HDAC4: variants seen among roughly 807,000 people sequenced by gnomAD.
HDAC4 encodes the protein histone deacetylase A.
In HDAC4, 16 loss-of-function variants were observed where a neutral mutation model predicts 135.1. The observed-to-expected ratio is 0.12, with a 90% CI of 0.08 to 0.18. HDAC4 has a LOEUF of 0.18. HDAC4 is among the 10% of genes least tolerant of loss of function. The probability of loss-of-function intolerance (pLI) is 1.00; values close to 1 mark genes in which losing one functional copy is unlikely to be tolerated. For missense variants in HDAC4, 1,143 were observed against 1,511.8 expected (o/e 0.76, Z 4.05); for synonymous variants, 685 against 653.4 (o/e 1.05, Z -0.74).
intron 4 of HDAC4, among the ~76,000 whole-genome samples, chr2:239,187,816 G>A (rs749666190): frequency 6.6e-6 from 1 of 152,172 alleles, no homozygotes; most frequent in Non-Finnish European, 1.5e-5. Flanking sequence ...AGTGGAGGCT[G>A]GTGGGCCAAT....
chr2:239,335,792 A>G (rs541185063), intron 2 of HDAC4, among the ~76,000 whole-genome samples: 1 of 152,378 alleles, frequency 6.6e-6, no homozygotes, highest in East Asian at 1.9e-4. Context: ...AAAGAATTAC[A>G]GTACCATGTA....
In HDAC4 at chr2:239,347,079, CCTAACACACACT is replaced by C. The variant is rs374829035; in HGVS notation, c.22+5587_22+5598del. 9.1e-3 allele frequency among the ~76,000 whole-genome samples: 1,364 copies of C among 149,710 alleles called. 16 individuals are homozygous for C. Among genetic ancestry groups the C allele is most frequent in the African/African-American group, 0.03 (1,243 of 40,892 alleles). ...CATACAACCTGTCTAAAACACACACCCTAACACACACTCTAACACACACATACACACAGACAC... is the reference window on the plus strand; with the variant it reads ...CATACAACCTGTCTAAAACACACACCCTAACACACACATACACACAGACAC... On this transcript the variant is annotated intron_variant, in intron 2 of 26. Coordinates refer to ENST00000543185, the MANE Select transcript of HDAC4 (RefSeq NM_001378414.1).
chr2:239,334,349 G>A (rs10865080), intron 2 of HDAC4, among the ~76,000 whole-genome samples: 101,263 of 151,600 alleles, frequency 0.67, 34,178 homozygotes, highest in East Asian at 0.82. Flanking sequence ...GTGACGCCCC[G>A]TCTCTACAAA....
chr2:239,325,775 G>A (rs2053451765), intron 2 of HDAC4, among the ~76,000 whole-genome samples: 1 of 152,008 alleles, frequency 6.6e-6, no homozygotes, highest in African/African-American at 2.4e-5. Flanking sequence ...GACCAGCCTG[G>A]TCAACATGGC....
At chr2:239,390,512 C>T (rs936618325) in intron 1 of HDAC4, among the ~76,000 whole-genome samples, 1 of 152,022 alleles carries the variant, frequency 6.6e-6, no homozygotes, top group African/African-American at 2.4e-5. Flanking sequence ...GGTGATTGTA[C>T]CAGTACACTC....
At chr2:239,259,080 G>A (rs1227511898) in intron 2 of HDAC4, among the ~76,000 whole-genome samples, 1 of 152,210 alleles carries the variant, frequency 6.6e-6, no homozygotes, top group Non-Finnish European at 1.5e-5. Context: ...GACTTTGACA[G>A]CGTATCACCC....
At chr2:239,061,139 TGA>T (rs1282700367) in intron 24 of HDAC4, among the ~76,000 whole-genome samples, 2 of 119,676 alleles carry the variant, frequency 1.7e-5, no homozygotes, top group Non-Finnish European at 4.2e-5. Context: ...TGACTGAGTG[TGA>T]GTGTGTGGTG....
intron 4 of HDAC4, among the ~76,000 whole-genome samples, chr2:239,184,715 G>A (rs2044411536): frequency 7.9e-6 from 1 of 126,294 alleles, no homozygotes; most frequent in African/African-American, 2.9e-5. Flanking sequence ...GTCCTATGGG[G>A]GGGTCCCTCA....
chr2:239,169,711 C>T lies in HDAC4; in HGVS notation c.491-5788G>A, dbSNP rs116218027. Reference sequence around the variant, plus strand: ...ACAGCCGTCCACTACCGAGAGGGCCCGGATCTGCATGCAAAGACCAGGCGT... The same window carrying T: ...ACAGCCGTCCACTACCGAGAGGGCCTGGATCTGCATGCAAAGACCAGGCGT... On this transcript the variant is annotated intron_variant, in intron 5 of 26. Coordinates refer to ENST00000543185, the MANE Select transcript of HDAC4 (RefSeq NM_001378414.1). 3.9e-3 allele frequency among the ~76,000 whole-genome samples: 597 copies of T among 152,332 alleles called. 7 individuals carry two copies. Among genetic ancestry groups the T allele is most frequent in the African/African-American group, 0.014 (565 of 41,570 alleles).
At chr2:239,376,138 G>T (rs917939067) in intron 1 of HDAC4, among the ~76,000 whole-genome samples, 2 of 151,642 alleles carry the variant, frequency 1.3e-5, no homozygotes, top group African/African-American at 2.4e-5. Context: ...GGTGCTGTGT[G>T]CTCACAACCC....
At chr2:239,144,815 T>C in intron 7 of HDAC4, 101 bp from the exon 8 acceptor site, 1 of 1,263,040 alleles carries the variant, frequency 7.9e-7, no homozygotes, top group Non-Finnish European at 1.2e-6. Context: ...TGAGTAAATA[T>C]TTGCTCAACA....
At position 239,144,612 on chromosome 2, in the gene HDAC4, G is replaced by A. The variant is rs775882854; in HGVS notation, c.836C>T (p.Ala279Val). The A allele has an allele frequency of 1.2e-6, 2 of 1,614,186 alleles. No individual in the cohort carries two copies. The highest frequency in any genetic ancestry group is 2.2e-5 in the South Asian group (2 of 91,082). The part of the protein sequence containing the change: ...LRRKDGPVVT[A>V]LKKRPLDVTD... ...GACATCCAACGGACGCTTTTTTAGA[G>A]CAGTGACCACTGGCCCGTCTTTCCT... is the stretch of plus-strand genomic sequence containing the variant. Residue 279 changes from alanine (A) to valine (V), a missense_variant, in exon 8 of 27, where the codon GCT (alanine) becomes GTT (valine). By Grantham distance (64) the Ala-to-Val change is moderately conservative. Transcript: ENST00000543185.
chr2:239,197,882 T>TGTGTGTGTGTGTGTGTGC (rs796837146), intron 3 of HDAC4, among the ~76,000 whole-genome samples: 6 of 150,422 alleles, frequency 4.0e-5, no homozygotes, highest in African/African-American at 9.8e-5. Flanking sequence ...TGTGTGTGTG[T>TGTGTGTGTGTGTGTGTGC]GCTGAGTGTC....
chr2:239,099,705 T>G (rs1037810333), intron 16 of HDAC4, among the ~76,000 whole-genome samples: 5 of 152,180 alleles, frequency 3.3e-5, no homozygotes, highest in Admixed American at 6.5e-5. Context: ...CGCTAGGTAC[T>G]CCACAATCCA....
chr2:239,341,172 A>T (rs528400758), intron 2 of HDAC4, among the ~76,000 whole-genome samples: 1 of 152,240 alleles, frequency 6.6e-6, no homozygotes, highest in East Asian at 1.9e-4. Flanking sequence ...CATCAGAAAG[A>T]AAAAATTAAC....
chr2:239,347,116 CTT>C (rs1185264085), intron 2 of HDAC4, among the ~76,000 whole-genome samples: 16 of 152,332 alleles, frequency 1.1e-4, no homozygotes, highest in East Asian at 3.9e-4. Flanking sequence ...CACACAGACA[CTT>C]TGTGGTATTC....
rs1406566963 is a variant in HDAC4, at chr2:239,048,760, C to T, written c.*4337G>A. On this transcript the variant is annotated 3_prime_UTR_variant, in exon 27 of 27. Transcript: ENST00000543185. ...GCCGAGCTAAGAACACGCTCAGCTTCGTTACAATGAAGAAATGGTTTCCTT... is the reference window on the plus strand; with the variant it reads ...GCCGAGCTAAGAACACGCTCAGCTTTGTTACAATGAAGAAATGGTTTCCTT... The T allele has an allele frequency of 2.0e-5, 3 of 152,208 alleles. No homozygotes were observed. The highest frequency in any genetic ancestry group is 1.9e-4 in the East Asian group (1 of 5,196). The allele number at this position is 152,208 out of a possible 1,614,324, so 9.4% of individuals were successfully genotyped here.
chr2:239,094,668 C>T (rs924063767), intron 17 of HDAC4: 10 of 1,196,552 alleles, frequency 8.4e-6, no homozygotes, highest in African/African-American at 3.2e-5. Context: ...GCATCCTACC[C>T]GCACCATACT....
intron 11 of HDAC4, among the ~76,000 whole-genome samples, chr2:239,126,998 G>A (rs1159765992): frequency 6.6e-6 from 1 of 152,166 alleles, no homozygotes; most frequent in Admixed American, 6.5e-5. Context: ...CTTCCCCAGA[G>A]TGGCTACCAC....
Sources: gnomAD v4.1 joint callset for allele counts (sites outside exome capture counted in the v4.1 genomes callset) on GRCh38, gnomAD v4.1.1 for gene constraint, MANE v1.5 for transcripts, NCBI Gene and HGNC (gene_info 2026-07-23, HGNC 2026-07-21) for gene names.